ESRRG: variants seen among roughly 807,000 people sequenced by gnomAD.
The protein encoded by ESRRG is estrogen related receptor gamma.
Under a neutral mutation model 44.0 loss-of-function variants are expected in ESRRG, and 13 were observed. The ratio of observed to expected loss-of-function variants is 0.30; its 90% CI spans 0.19 to 0.47. The LOEUF is 0.47. Ranked by LOEUF, ESRRG falls within the 20% of genes least tolerant of loss-of-function variation. ESRRG has a pLI of 1.00. For missense variants in ESRRG, 395 were observed against 580.6 expected (o/e 0.68, Z 3.29); for synonymous variants, 215 against 214.6 (o/e 1.00, Z -0.02).
chr1:216,800,484 T>C (rs1349436710), intron 2 of ESRRG, among the ~76,000 whole-genome samples: 2 of 152,154 alleles, frequency 1.3e-5, no homozygotes, highest in Non-Finnish European at 2.9e-5. Context: ...ACACAGTTAA[T>C]AAACAGGGAT....
intron 1 of ESRRG, among the ~76,000 whole-genome samples, chr1:217,129,911 T>TA (rs935092780): frequency 5.6e-4 from 82 of 147,160 alleles, no homozygotes; most frequent in African/African-American, 1.3e-3. Context: ...TGGTGAATGT[T>TA]AAAAAAAAAA....
intron 1 of ESRRG, among the ~76,000 whole-genome samples, chr1:216,999,429 T>C (rs538406900): frequency 2.0e-5 from 3 of 152,296 alleles, no homozygotes; most frequent in Admixed American, 2.0e-4. Context: ...TACAAAATAT[T>C]TTCAAGGTAT....
At chr1:216,545,693 C>T (rs1002597177) in intron 5 of ESRRG, among the ~76,000 whole-genome samples, 17 of 151,996 alleles carry the variant, frequency 1.1e-4, no homozygotes, top group Non-Finnish European at 2.2e-4. Context: ...CGATGTGCTA[C>T]AATGGCCTCT....
chr1:217,013,456 G>T (rs1198513884), intron 1 of ESRRG, among the ~76,000 whole-genome samples: 1 of 152,168 alleles, frequency 6.6e-6, no homozygotes, highest in Non-Finnish European at 1.5e-5. Flanking sequence ...TTGCTTCCAT[G>T]TCCATGGACA....
At chr1:217,084,829 C>T (rs1427456672) in intron 1 of ESRRG, among the ~76,000 whole-genome samples, 1 of 152,136 alleles carries the variant, frequency 6.6e-6, no homozygotes, top group Admixed American at 6.5e-5. Context: ...TCCAAACACA[C>T]TCAACCTTTT....
intron 2 of ESRRG, among the ~76,000 whole-genome samples, chr1:216,673,720 A>C (rs1559146406): frequency 6.6e-6 from 1 of 152,352 alleles, no homozygotes; most frequent in Non-Finnish European, 1.5e-5. Flanking sequence ...GTTTTGAGAC[A>C]TGTATTAGGA....
At chr1:216,808,489 T>G (rs1015564298) in intron 2 of ESRRG, among the ~76,000 whole-genome samples, 1 of 152,126 alleles carries the variant, frequency 6.6e-6, no homozygotes, top group Admixed American at 6.6e-5. Context: ...TACAGTGGCA[T>G]GCTCATGTCT....
At chr1:216,816,214 G>A (rs1206238912) in intron 2 of ESRRG, among the ~76,000 whole-genome samples, 2 of 152,092 alleles carry the variant, frequency 1.3e-5, no homozygotes, top group Non-Finnish European at 2.9e-5. Flanking sequence ...TATGGAACAT[G>A]GTTTCAAAAT....
At chr1:216,718,041 T>C (rs1318188583) in intron 1 of ESRRG, among the ~76,000 whole-genome samples, 1 of 151,884 alleles carries the variant, frequency 6.6e-6, no homozygotes, top group African/African-American at 2.4e-5. Context: ...ACTGAATACA[T>C]GAATAACAAT....
At position 216,886,120 on chromosome 1, in the gene ESRRG, C is replaced by T. The variant is rs570135049; in HGVS notation, c.-14+53462G>A. Among the ~76,000 whole-genome samples the T allele has an allele frequency of 1.2e-4, 19 of 152,206 alleles. No individual in the cohort carries two copies. The East Asian group carries it at 3.3e-3, about 26-fold the overall frequency. On this transcript the variant is annotated intron_variant, in intron 2 of 7. Transcript: ENST00000359162. ...CTAGTATGAATAATCTCTGAGTAGACGTGTCCCTTAGGTAGGAACAACCAG... is the reference window on the plus strand; with the variant it reads ...CTAGTATGAATAATCTCTGAGTAGATGTGTCCCTTAGGTAGGAACAACCAG...
chr1:217,024,558 T>C (rs1031713971), intron 1 of ESRRG, among the ~76,000 whole-genome samples: 1 of 152,080 alleles, frequency 6.6e-6, no homozygotes, highest in African/African-American at 2.4e-5. Flanking sequence ...GACATGAGCA[T>C]CATTCAAAAT....
intron 3 of ESRRG, among the ~76,000 whole-genome samples, chr1:216,579,606 T>G (rs1236442837): frequency 3.9e-5 from 6 of 152,140 alleles, no homozygotes; most frequent in Non-Finnish European, 8.8e-5. Flanking sequence ...GAAAAAAGTT[T>G]GTATTTGTAA....
At chr1:216,989,203 T>G (rs898464073) in intron 1 of ESRRG, among the ~76,000 whole-genome samples, 1 of 152,058 alleles carries the variant, frequency 6.6e-6, no homozygotes, top group East Asian at 1.9e-4. Context: ...TCCCAGCACT[T>G]TGGGAGGCTG....
At chr1:217,006,565 T>C (rs1214906407) in intron 1 of ESRRG, among the ~76,000 whole-genome samples, 1 of 152,026 alleles carries the variant, frequency 6.6e-6, no homozygotes, top group African/African-American at 2.4e-5. Context: ...ACCAGAAGTG[T>C]TTTCGATTTT....
At chr1:216,530,454 T>G (rs1025981305) in intron 5 of ESRRG, among the ~76,000 whole-genome samples, 1 of 152,116 alleles carries the variant, frequency 6.6e-6, no homozygotes, top group Non-Finnish European at 1.5e-5. Context: ...AAGTTTTTCC[T>G]AATACTGCTT....
chr1:216,970,312 C>A (rs908278845), intron 1 of ESRRG, among the ~76,000 whole-genome samples: 2 of 152,216 alleles, frequency 1.3e-5, no homozygotes, highest in African/African-American at 4.8e-5. Flanking sequence ...TGAAAAACTG[C>A]ATGACAAAGT....
chr1:216,808,897 G>T (rs150018075), intron 2 of ESRRG, among the ~76,000 whole-genome samples: 21 of 152,114 alleles, frequency 1.4e-4, no homozygotes, highest in East Asian at 5.8e-4. Flanking sequence ...TTCTGTCAAA[G>T]AATTTTCCTC....
At chr1:216,845,702 C>A (rs1405901168) in intron 2 of ESRRG, among the ~76,000 whole-genome samples, 3 of 152,146 alleles carry the variant, frequency 2.0e-5, no homozygotes, top group Non-Finnish European at 4.4e-5. Context: ...TACTCTGGAA[C>A]TTTCTAACTC....
At chr1:216,906,434 C>T (rs567750577) in intron 2 of ESRRG, among the ~76,000 whole-genome samples, 246 of 152,190 alleles carry the variant, frequency 1.6e-3, no homozygotes, top group African/African-American at 5.4e-3. Context: ...CAGCATCTAC[C>T]GGCTATTTGG....
Sources: allele counts gnomAD v4.1 joint callset (sites outside exome capture counted in the v4.1 genomes callset), GRCh38; gene constraint gnomAD v4.1.1; transcripts MANE v1.5; gene names NCBI Gene and HGNC (gene_info 2026-07-23, HGNC 2026-07-21).